TXNRD1: variants seen among roughly 807,000 people sequenced by gnomAD.
TXNRD1 encodes thioredoxin reductase 1, cytoplasmic.
A neutral mutation model predicts 80.3 loss-of-function variants in TXNRD1; 57 were observed. The observed-to-expected ratio is 0.71, with a 90% CI of 0.57 to 0.89. TXNRD1 has a LOEUF of 0.89. TXNRD1 is among the 40% of genes least tolerant of loss of function. The probability of loss-of-function intolerance (pLI) is 0.00; values close to 1 mark genes in which losing one functional copy is unlikely to be tolerated. For synonymous variants in TXNRD1, 291 were observed against 285.2 expected (o/e 1.02, Z -0.20); for missense variants, 730 against 803.0 (o/e 0.91, Z 1.10).
chr12:104,243,245 C>G (rs1012705535), intron 1 of TXNRD1, among the ~76,000 whole-genome samples: 2 of 152,108 alleles, frequency 1.3e-5, no homozygotes, highest in Non-Finnish European at 2.9e-5. Flanking sequence ...AATTCATTAT[C>G]ATGTCCTTTT....
chr12:104,267,699 T>TTCTTTCTTTCTC (rs1555209251), intron 3 of TXNRD1, among the ~76,000 whole-genome samples: 3,638 of 45,952 alleles, frequency 0.079, 76 homozygotes, highest in Middle Eastern at 0.14. Flanking sequence ...CTTTCTTTCT[T>TTCTTTCTTTCTC]TCTCTCTTTC....
intron 10 of TXNRD1, among the ~76,000 whole-genome samples, chr12:104,323,763 G>A (rs556845464): frequency 1.5e-5 from 2 of 136,250 alleles, no homozygotes; most frequent in East Asian, 4.4e-4. Flanking sequence ...CCGGGCAGAG[G>A]CGCCCCTCAC....
intron 16 of TXNRD1, among the ~76,000 whole-genome samples, chr12:104,345,192 A>T (rs2036451823): frequency 6.6e-6 from 1 of 152,224 alleles, no homozygotes; most frequent in Non-Finnish European, 1.5e-5. Context: ...GCCTTTTAAA[A>T]TTTCATTTCC....
At chr12:104,262,898 A>G (rs2033399471) in intron 3 of TXNRD1, among the ~76,000 whole-genome samples, 1 of 152,074 alleles carries the variant, frequency 6.6e-6, no homozygotes, top group African/African-American at 2.4e-5. Flanking sequence ...TGTGTTTGCA[A>G]TAGTATCACC....
At chr12:104,289,736 AT>A (rs2034112325) in intron 4 of TXNRD1, among the ~76,000 whole-genome samples, 1 of 27,194 alleles carries the variant, frequency 3.7e-5, no homozygotes, top group African/African-American at 5.1e-4. Context: ...TTATTTATGT[AT>A]TTAAAAAAAA....
At position 104,326,402 on chromosome 12, in the gene TXNRD1, T is replaced by C. The variant is rs774464712; in HGVS notation, c.1364T>C (p.Val455Ala). 3 of 1,588,808 alleles carry C rather than the reference T, an allele frequency of 1.9e-6. No homozygotes were observed. The highest frequency in any genetic ancestry group is 1.2e-5 in the South Asian group (1 of 85,374). Reference sequence around the variant, plus strand: ...ACAAGAAAAATTGGCTTAGAAACCGTAGGGGTGAAGATAAATGAAAAGTAA... The same window carrying C: ...ACAAGAAAAATTGGCTTAGAAACCGCAGGGGTGAAGATAAATGAAAAGTAA... ...ACTRKIGLET[V>A]GVKINEKTGK... Residue 455 changes from valine to alanine, a missense_variant, in exon 12 of 17, where the codon GTA (valine) becomes GCA (alanine). Coordinates refer to ENST00000525566, the MANE Select transcript of TXNRD1 (RefSeq NM_001093771.3).
intron 6 of TXNRD1, among the ~76,000 whole-genome samples, chr12:104,314,901 C>T (rs185305581): frequency 1.1e-3 from 172 of 152,142 alleles, no homozygotes; most frequent in African/African-American, 4.0e-3. Flanking sequence ...ACCACCATGC[C>T]CAGCTAATTT....
At position 104,215,847 on chromosome 12, in the gene TXNRD1, G is replaced by A; in HGVS notation, c.45G>A (p.Thr15=). 1 of 1,560,660 alleles carries A rather than the reference G, an allele frequency of 6.4e-7. No homozygotes were observed. The highest frequency in any genetic ancestry group is 8.7e-7 in the Non-Finnish European group (1 of 1,153,566). The change falls in exon 1 of 17, where the codon ACG becomes ACA. Residue 15 remains threonine (T), a synonymous_variant. Transcript: ENST00000525566. ...EGKAVAAAAP[T]ELQTKGKNGD... ...AGGCAGTGGCGGCGGCCGCCCCAAC[G>A]GAGCTGCAGACGAAAGGCAAGAACG...
chr12:104,288,863 G>C (rs776834220), intron 3 of TXNRD1, 68 bp from the exon 4 acceptor site: 10 of 1,612,938 alleles, frequency 6.2e-6, no homozygotes, highest in Non-Finnish European at 8.5e-6. Context: ...CCCGCCCCCG[G>C]CGCAGTTCCC....
chr12:104,253,984 C>A (rs534670807), intron 2 of TXNRD1, among the ~76,000 whole-genome samples: 1 of 152,152 alleles, frequency 6.6e-6, no homozygotes, highest in Non-Finnish European at 1.5e-5. Context: ...TGAGCCACTG[C>A]GCCCAGCCTG....
At chr12:104,293,914 G>T (rs1029123832) in intron 4 of TXNRD1, among the ~76,000 whole-genome samples, 19 of 152,198 alleles carry the variant, frequency 1.2e-4, no homozygotes, top group Non-Finnish European at 8.8e-5. Flanking sequence ...CGTGGGTCAT[G>T]TGTCCACTGG....
chr12:104,285,548 T>C (rs1053891917), intron 3 of TXNRD1, among the ~76,000 whole-genome samples: 2 of 152,234 alleles, frequency 1.3e-5, no homozygotes, highest in Non-Finnish European at 2.9e-5. Context: ...ATGCTTTTAA[T>C]GGCAAGCCTC....
intron 1 of TXNRD1, among the ~76,000 whole-genome samples, chr12:104,240,508 T>C (rs2032834833): frequency 6.6e-6 from 1 of 152,222 alleles, no homozygotes; most frequent in Non-Finnish European, 1.5e-5. Flanking sequence ...TCTGTATATA[T>C]GTATAAAGCA....
rs2036587444 is a variant in TXNRD1 at position 104,349,628 on chromosome 12, T to C, written c.*1207T>C. On this transcript the variant is annotated 3_prime_UTR_variant, in exon 17 of 17. Coordinates refer to ENST00000525566, the MANE Select transcript of TXNRD1 (RefSeq NM_001093771.3). The stretch of plus-strand genomic sequence containing the variant: ...TTCAACTTGCATTATTATAAAGAGG[T>C]ATTAATGCCTCAGTTATGTGTTTGT... 1 of 152,608 alleles carries C rather than the reference T, an allele frequency of 6.6e-6. No individual in the cohort carries two copies. The highest frequency in any genetic ancestry group is 1.5e-5 in the Non-Finnish European group (1 of 68,046). 9.5% of individuals were successfully genotyped at this position (152,608 alleles called of 1,614,324 possible).
chr12:104,263,260 A>G (rs994467047), intron 3 of TXNRD1, among the ~76,000 whole-genome samples: 1 of 152,258 alleles, frequency 6.6e-6, no homozygotes, highest in Non-Finnish European at 1.5e-5. Context: ...ATAAAAACAT[A>G]GTAAAGTATT....
At chr12:104,252,410 T>C (rs1259560636) in intron 2 of TXNRD1, among the ~76,000 whole-genome samples, 1 of 151,740 alleles carries the variant, frequency 6.6e-6, no homozygotes, top group Non-Finnish European at 1.5e-5. Context: ...AATCTTAGAT[T>C]ATCAGAGAGA....
intron 1 of TXNRD1, among the ~76,000 whole-genome samples, chr12:104,226,346 C>A (rs981684598): frequency 6.6e-6 from 1 of 152,192 alleles, no homozygotes; most frequent in Non-Finnish European, 1.5e-5. Context: ...TGTGGGCTCA[C>A]TGACCCTTGC....
intron 4 of TXNRD1, among the ~76,000 whole-genome samples, chr12:104,293,980 G>A (rs939215192): frequency 4.6e-5 from 7 of 152,172 alleles, no homozygotes; most frequent in Admixed American, 3.9e-4. Context: ...GAGACAAAGA[G>A]AAAGACAGCT....
Position 104,288,646 on chromosome 12 carries a change from G to A in TXNRD1, c.305-285G>A, listed in dbSNP as rs144037866. 4.4e-3 allele frequency: 3,610 copies of A among 815,160 alleles called. 24 individuals carry two copies. The highest frequency in any genetic ancestry group is 0.02 in the South Asian group (885 of 44,954). 50.5% of individuals were successfully genotyped at this position (815,160 alleles called of 1,614,324 possible). On this transcript the variant is annotated intron_variant, in intron 3 of 16. Transcript: ENST00000525566. ...GAAAGTAGGACGTTTAATTTTAGCGGAGTAGTGCAATGATTTAACCCTGAC... is the reference window on the plus strand; with the variant it reads ...GAAAGTAGGACGTTTAATTTTAGCGAAGTAGTGCAATGATTTAACCCTGAC...
Sources: gnomAD v4.1 joint callset for allele counts (sites outside exome capture counted in the v4.1 genomes callset) on GRCh38, gnomAD v4.1.1 for gene constraint, MANE v1.5 for transcripts, NCBI Gene and HGNC (gene_info 2026-07-23, HGNC 2026-07-21) for gene names.